SLIT2: variants seen among roughly 807,000 people sequenced by gnomAD.
The protein encoded by SLIT2 is slit guidance ligand 2.
Under a neutral mutation model 185.7 loss-of-function variants are expected in SLIT2, and 41 were observed. The ratio of observed to expected loss-of-function variants is 0.22; its 90% CI spans 0.17 to 0.29. The LOEUF is 0.29. Ranked by LOEUF, SLIT2 falls within the 10% of genes least tolerant of loss-of-function variation. SLIT2 has a pLI of 1.00. For synonymous variants in SLIT2, 693 were observed against 680.2 expected (o/e 1.02, Z -0.29); for missense variants, 1,571 against 1,909.0 (o/e 0.82, Z 3.30).
At chr4:20,307,091 G>T (rs1322711157) in intron 4 of SLIT2, among the ~76,000 whole-genome samples, 1 of 93,750 alleles carries the variant, frequency 1.1e-5, no homozygotes, top group Non-Finnish European at 2.1e-5. Flanking sequence ...CCCTCCACCC[G>T]CTCTATTTCT....
chr4:20,325,782 A>G (rs988561450), intron 4 of SLIT2, among the ~76,000 whole-genome samples: 7 of 152,198 alleles, frequency 4.6e-5, no homozygotes, highest in Admixed American at 4.6e-4. Context: ...TCTCAAAACA[A>G]TAAATACCTC....
At chr4:20,539,396 G>T (rs1381065209) in intron 18 of SLIT2, 45 bp from the exon 19 acceptor site, 2 of 1,574,424 alleles carry the variant, frequency 1.3e-6, no homozygotes, top group South Asian at 1.2e-5. Context: ...AAAATTGATT[G>T]CCTGATGCTT....
At chr4:20,510,684 G>A in intron 10 of SLIT2, 118 bp downstream of exon 10, 1 of 619,788 alleles carries the variant, frequency 1.6e-6, no homozygotes, top group South Asian at 2.2e-5. Context: ...ATTAAGTGAT[G>A]TGACTGTCTG....
At chr4:20,583,586 T>C (rs1726782953) in intron 29 of SLIT2, among the ~76,000 whole-genome samples, 1 of 151,728 alleles carries the variant, frequency 6.6e-6, no homozygotes, top group African/African-American at 2.4e-5. Context: ...CTGAGGTGGG[T>C]GGATCACAGG....
chr4:20,299,315 A>G, intron 4 of SLIT2, among the ~76,000 whole-genome samples: 1 of 152,204 alleles, frequency 6.6e-6, no homozygotes, highest in East Asian at 1.9e-4. Context: ...TTTATATATC[A>G]ACAAGGATCA....
At chr4:20,386,794 T>C (rs1313468575) in intron 4 of SLIT2, among the ~76,000 whole-genome samples, 1 of 152,240 alleles carries the variant, frequency 6.6e-6, no homozygotes, top group Non-Finnish European at 1.5e-5. Flanking sequence ...ATGTGATGCA[T>C]GATGACCTCT....
chr4:20,530,023 G>C (rs1282307408), intron 16 of SLIT2, among the ~76,000 whole-genome samples: 1 of 151,594 alleles, frequency 6.6e-6, no homozygotes, highest in Non-Finnish European at 1.5e-5. Flanking sequence ...TTAATTTTTA[G>C]CAATTTGAAT....
chr4:20,419,616 G>A (rs1373019556), intron 4 of SLIT2, among the ~76,000 whole-genome samples: 1 of 151,450 alleles, frequency 6.6e-6, no homozygotes, highest in Admixed American at 6.6e-5. Flanking sequence ...CCTTTAAAAT[G>A]GGGAAGATGG....
chr4:20,449,396 AG>A (rs1353065933), intron 4 of SLIT2, among the ~76,000 whole-genome samples: 2 of 152,200 alleles, frequency 1.3e-5, no homozygotes, highest in East Asian at 3.9e-4. Context: ...GAGAAAAAAC[AG>A]GGTTTTTGTT....
At chr4:20,475,314 TG>T (rs1464337616) in intron 5 of SLIT2, among the ~76,000 whole-genome samples, 3 of 114,082 alleles carry the variant, frequency 2.6e-5, no homozygotes, top group African/African-American at 3.3e-5. Context: ...TCTGAGGTTT[TG>T]GTTTTTTTTT....
chr4:20,265,496 C>A (rs1712938064), intron 3 of SLIT2, among the ~76,000 whole-genome samples: 1 of 151,912 alleles, frequency 6.6e-6, no homozygotes, highest in African/African-American at 2.4e-5. Context: ...TACCACATTA[C>A]TTACGTTATC....
intron 4 of SLIT2, among the ~76,000 whole-genome samples, chr4:20,319,826 A>C (rs1229299325): frequency 6.6e-6 from 1 of 151,910 alleles, no homozygotes; most frequent in Non-Finnish European, 1.5e-5. Context: ...AAAAAACAAA[A>C]ACCATAACAT....
chr4:20,549,513 A>C (rs1723544289), intron 24 of SLIT2, among the ~76,000 whole-genome samples: 1 of 152,036 alleles, frequency 6.6e-6, no homozygotes, highest in African/African-American at 2.4e-5. Flanking sequence ...CCTTTAAAAT[A>C]TGTGAAATAA....
intron 4 of SLIT2, among the ~76,000 whole-genome samples, chr4:20,463,532 T>C (rs1714005765): frequency 6.9e-6 from 1 of 143,966 alleles, no homozygotes; most frequent in Non-Finnish European, 1.5e-5. Context: ...TGTGTGTGTG[T>C]GTGTGTGTGT....
chr4:20,468,245 T>C (rs773864413), intron 5 of SLIT2, among the ~76,000 whole-genome samples: 1 of 152,118 alleles, frequency 6.6e-6, no homozygotes, highest in Non-Finnish European at 1.5e-5. Flanking sequence ...CTAGAAGTGC[T>C]ATGAGAATAT....
intron 21 of SLIT2, 46 bp downstream of exon 21, chr4:20,542,672 A>C: frequency 6.2e-7 from 1 of 1,600,076 alleles, no homozygotes; most frequent in Non-Finnish European, 8.6e-7. Flanking sequence ...CCTTGATGAT[A>C]AATGTTTCAT....
rs781613049 is a variant in SLIT2 at position 20,619,022 on chromosome 4, C to A, written c.*13C>A. 1.9e-6 allele frequency: 3 copies of A among 1,603,590 alleles called. No individual in the cohort carries two copies. The highest frequency in any genetic ancestry group is 3.3e-5 in the Admixed American group (2 of 59,878). On this transcript the variant is annotated 3_prime_UTR_variant, in exon 37 of 37. Coordinates refer to ENST00000504154, the MANE Select transcript of SLIT2 (RefSeq NM_004787.4). Reference sequence around the variant, plus strand: ...GTGTGTGTCCTAAACACACTCCCGGCAGCTCTGTCTTTGGAAAAGGTTGTA... The same window carrying A: ...GTGTGTGTCCTAAACACACTCCCGGAAGCTCTGTCTTTGGAAAAGGTTGTA...
At chr4:20,488,062 T>A (rs1287050983) in intron 7 of SLIT2, among the ~76,000 whole-genome samples, 1 of 152,216 alleles carries the variant, frequency 6.6e-6, no homozygotes, top group Non-Finnish European at 1.5e-5. Flanking sequence ...TTACCTAATT[T>A]AGTGGATACA....
intron 4 of SLIT2, among the ~76,000 whole-genome samples, chr4:20,400,596 A>G (rs993974465): frequency 2.0e-5 from 3 of 151,656 alleles, no homozygotes. Context: ...TGGACTGTCT[A>G]CATAAATCTA....
Sources: gnomAD v4.1 joint callset for allele counts (sites outside exome capture counted in the v4.1 genomes callset) on GRCh38, gnomAD v4.1.1 for gene constraint, MANE v1.5 for transcripts, NCBI Gene and HGNC (gene_info 2026-07-23, HGNC 2026-07-21) for gene names.